Variants in SEMA6D observed in about 807,000 individuals in gnomAD.
The protein encoded by SEMA6D is semaphorin 6D.
SEMA6D carries 35 observed loss-of-function variants against 106.6 expected under a neutral mutation model. That is an observed-to-expected ratio of 0.33 (90% CI 0.25 to 0.44). The LOEUF (loss-of-function observed/expected upper bound fraction) is 0.44. Ranked by LOEUF, SEMA6D falls within the 20% of genes least tolerant of loss-of-function variation. The pLI is 1.00. For synonymous variants in SEMA6D, 499 were observed against 487.7 expected (o/e 1.02, Z -0.31); for missense variants, 1,185 against 1,345.9 (o/e 0.88, Z 1.87).
intron 1 of SEMA6D, among the ~76,000 whole-genome samples, chr15:47,233,745 TGATTTTGTATGTC>T (rs1201050344): frequency 2.0e-5 from 3 of 152,056 alleles, no homozygotes; most frequent in Admixed American, 2.0e-4. Flanking sequence ...GAAAAGTAGC[TGATTTTGTATGTC>T]GATTTTGTAT....
chr15:47,369,802 G>A (rs567014257), intron 1 of SEMA6D, among the ~76,000 whole-genome samples: 172 of 152,280 alleles, frequency 1.1e-3, no homozygotes, highest in African/African-American at 4.0e-3. Flanking sequence ...CATACAATGA[G>A]CAGTAAGCAG....
chr15:47,548,283 G>A (rs1017534110), intron 3 of SEMA6D, among the ~76,000 whole-genome samples: 7 of 152,164 alleles, frequency 4.6e-5, no homozygotes, highest in Admixed American at 1.3e-4. Flanking sequence ...GCTTTAGTAG[G>A]CAGCATGGAG....
intron 1 of SEMA6D, among the ~76,000 whole-genome samples, chr15:47,311,499 A>G (rs1281007175): frequency 6.6e-6 from 1 of 152,114 alleles, no homozygotes; most frequent in East Asian, 1.9e-4. Context: ...TTTTTTTTAC[A>G]TATATTTTGA....
At chr15:47,362,032 G>A (rs1395267979) in intron 1 of SEMA6D, among the ~76,000 whole-genome samples, 1 of 152,158 alleles carries the variant, frequency 6.6e-6, no homozygotes, top group African/African-American at 2.4e-5. Context: ...TGTGTTCTCC[G>A]TTTATTACAA....
chr15:47,448,872 A>G (rs558132933), intron 2 of SEMA6D, among the ~76,000 whole-genome samples: 2 of 152,148 alleles, frequency 1.3e-5, no homozygotes, highest in Non-Finnish European at 2.9e-5. Flanking sequence ...AATCCTCTTC[A>G]TCCTTCCACC....
intron 1 of SEMA6D, among the ~76,000 whole-genome samples, chr15:47,291,953 C>G (rs1255632017): frequency 6.6e-6 from 1 of 152,168 alleles, no homozygotes; most frequent in African/African-American, 2.4e-5. Context: ...ACATGCTCCA[C>G]CTGTTGATAT....
Position 47,589,160 on chromosome 15 carries a change from G to A in SEMA6D, c.-86-11705G>A, listed in dbSNP as rs142973133. ...CTGAGTCACATGAGGGTCCCCTCCC[G>A]GCAGGCTTCCTTCAGGGTGTGTGCA... On this transcript the variant is annotated intron_variant, in intron 3 of 19. Coordinates refer to the SEMA6D transcript ENST00000558014. Among the ~76,000 whole-genome samples the A allele has an allele frequency of 1.5e-3, 224 of 152,204 alleles. 2 individuals are homozygous for A. The highest frequency in any genetic ancestry group is 5.2e-3 in the African/African-American group (215 of 41,540).
intron 1 of SEMA6D, among the ~76,000 whole-genome samples, chr15:47,407,944 T>G (rs1018813974): frequency 6.6e-6 from 1 of 152,040 alleles, no homozygotes; most frequent in Non-Finnish European, 1.5e-5. Flanking sequence ...GGTGGGGGTG[T>G]TGGGAATCTC....
intron 4 of SEMA6D, among the ~76,000 whole-genome samples, chr15:47,607,381 A>G (rs557541832): frequency 5.3e-5 from 8 of 152,308 alleles, no homozygotes; most frequent in African/African-American, 1.9e-4. Flanking sequence ...AGGTTCATCA[A>G]GATTAATGAC....
chr15:47,228,163 C>CACATAT (rs374770930), intron 1 of SEMA6D, among the ~76,000 whole-genome samples: 28 of 136,820 alleles, frequency 2.0e-4, no homozygotes, highest in African/African-American at 5.4e-4. Context: ...CACACACACA[C>CACATAT]ATATATATAT....
chr15:47,236,590 A>T (rs907005806), intron 1 of SEMA6D, among the ~76,000 whole-genome samples: 11 of 152,172 alleles, frequency 7.2e-5, no homozygotes, highest in Non-Finnish European at 1.3e-4. Context: ...AACATAAAGG[A>T]TGAACAAAAT....
intron 1 of SEMA6D, among the ~76,000 whole-genome samples, chr15:47,743,289 G>T (rs547922564): frequency 6.6e-6 from 1 of 152,292 alleles, no homozygotes; most frequent in East Asian, 1.9e-4. Context: ...TAATATGTTG[G>T]TGCGTGTATG....
intron 1 of SEMA6D, among the ~76,000 whole-genome samples, chr15:47,286,996 C>T (rs1231323220): frequency 6.6e-6 from 1 of 152,182 alleles, no homozygotes; most frequent in Admixed American, 6.5e-5. Context: ...TTCTCCCCCT[C>T]TTCCAAGCAC....
chr15:47,398,811 C>T (rs1176668703), intron 1 of SEMA6D, among the ~76,000 whole-genome samples: 1 of 152,124 alleles, frequency 6.6e-6, no homozygotes, highest in African/African-American at 2.4e-5. Context: ...GCCTTTCAAA[C>T]TCAGATAAGC....
intron 1 of SEMA6D, among the ~76,000 whole-genome samples, chr15:47,406,572 A>G (rs1051723989): frequency 2.6e-4 from 39 of 152,148 alleles, no homozygotes; most frequent in African/African-American, 9.2e-4. Context: ...AAATAAGTCA[A>G]TCTCATAGTG....
chr15:47,294,041 G>A (rs961475948), intron 1 of SEMA6D, among the ~76,000 whole-genome samples: 7 of 151,936 alleles, frequency 4.6e-5, no homozygotes, highest in African/African-American at 1.7e-4. Context: ...TTTTTTTGTT[G>A]TTGTTCACAT....
chr15:47,273,177 C>A (rs1290789184), intron 1 of SEMA6D, among the ~76,000 whole-genome samples: 1 of 151,938 alleles, frequency 6.6e-6, no homozygotes, highest in African/African-American at 2.4e-5. Context: ...CTTAGTTTTG[C>A]CTTTTATTTC....
chr15:47,690,689 C>T (rs2145752289), intron 4 of SEMA6D, among the ~76,000 whole-genome samples: 2 of 152,202 alleles, frequency 1.3e-5, no homozygotes, highest in Middle Eastern at 3.4e-3. Flanking sequence ...ATGCAGAGTC[C>T]CCAACTTACA....
intron 2 of SEMA6D, among the ~76,000 whole-genome samples, chr15:47,436,398 A>AG (rs1438604286): frequency 2.0e-5 from 3 of 151,824 alleles, no homozygotes; most frequent in African/African-American, 7.2e-5. Context: ...CTCACAAAAA[A>AG]AAAAAAGAAA....
Sources: allele counts gnomAD v4.1 joint callset (sites outside exome capture counted in the v4.1 genomes callset), GRCh38; gene constraint gnomAD v4.1.1; transcripts MANE v1.5; gene names NCBI Gene and HGNC (gene_info 2026-07-23, HGNC 2026-07-21).